The following EPM2A variants were observed in gnomAD, a reference collection of about 807,000 sequenced individuals.
EPM2A encodes the protein EPM2A glucan phosphatase, laforin.
EPM2A carries 21 observed loss-of-function variants against 26.5 expected under a neutral mutation model. That is an observed-to-expected ratio of 0.79 (90% CI 0.56 to 1.14). The LOEUF (loss-of-function observed/expected upper bound fraction) is 1.14. Ranked by LOEUF, EPM2A falls within the 50% of genes most tolerant of loss-of-function variation. The probability of loss-of-function intolerance (pLI) is 0.00; values close to 1 mark genes in which losing one functional copy is unlikely to be tolerated. For synonymous variants in EPM2A, 217 were observed against 177.6 expected, an observed-to-expected ratio of 1.22 and a Z score of -1.76; for missense variants, 458 against 440.8, an observed-to-expected ratio of 1.04 and a Z score of -0.35.
intron 2 of EPM2A, chr6:145,640,084 T>A (rs1283822734): frequency 6.6e-6 from 1 of 152,198 alleles, no homozygotes; most frequent in Non-Finnish European, 1.5e-5. Flanking sequence ...AATACTACAG[T>A]ATTTGTTTCA....
At chr6:145,419,003 C>T (rs1355585573) in intron 4 of EPM2A, among the ~76,000 whole-genome samples, 5 of 152,148 alleles carry the variant, frequency 3.3e-5, no homozygotes, top group Non-Finnish European at 5.9e-5. Context: ...ATTTGACTGG[C>T]GAGTCAGAGG....
intron 2 of EPM2A, among the ~76,000 whole-genome samples, chr6:145,520,167 C>A (rs1780184508): frequency 6.6e-6 from 1 of 152,140 alleles, no homozygotes; most frequent in Non-Finnish European, 1.5e-5. Flanking sequence ...AGAACTTCTC[C>A]AATTATGTTT....
chr6:145,635,759 A>G lies in EPM2A; in HGVS notation c.477-273T>C, dbSNP rs183544567. ...GCAATATATTAAAATAAGTCTACCA[A>G]GTTGTACTTATTCCATGAATGCATA... On this transcript the variant is annotated intron_variant, in intron 2 of 3. Transcript: ENST00000367519. The G allele has an allele frequency of 1.5e-5, 6 of 413,432 alleles. No individual in the cohort carries two copies. In the Admixed American group the frequency reaches 1.5e-4, roughly 10 times the overall value. 25.6% of individuals were successfully genotyped at this position (413,432 alleles called of 1,614,324 possible). A position where few individuals can be genotyped will look rare whatever the true frequency, so the allele number is the denominator to read the frequency against.
chr6:145,719,256 A>C (rs2128637287), intron 1 of EPM2A, among the ~76,000 whole-genome samples: 1 of 149,676 alleles, frequency 6.7e-6, no homozygotes, highest in East Asian at 1.9e-4. Flanking sequence ...GATTAAGAAA[A>C]TGTGGCACAT....
chr6:145,410,248 G>T (rs1778626158), intron 4 of EPM2A, among the ~76,000 whole-genome samples: 1 of 152,160 alleles, frequency 6.6e-6, no homozygotes, highest in Non-Finnish European at 1.5e-5. Context: ...GGTAAGATTT[G>T]CAAATGTGGG....
Position 145,606,302 on chromosome 6 carries a change from T to C in EPM2A, c.340+28943A>G, listed in dbSNP as rs17724951. 4.6e-3 allele frequency among the ~76,000 whole-genome samples: 703 copies of C among 152,158 alleles called. 25 individuals are homozygous for C. The East Asian group carries it at 0.084, about 18-fold the overall frequency. On this transcript the variant is annotated intron_variant, in intron 2 of 3. Coordinates refer to the EPM2A transcript ENST00000450221. Reference sequence around the variant, plus strand: ...TTTATTTTTCTAGACATCTTCATTCTTTTTCCCAACTAGTATTTCTTAACA... The same window carrying C: ...TTTATTTTTCTAGACATCTTCATTCCTTTTCCCAACTAGTATTTCTTAACA...
intron 2 of EPM2A, among the ~76,000 whole-genome samples, chr6:145,543,917 C>A (rs1347338922): frequency 2.6e-5 from 4 of 152,156 alleles, no homozygotes; most frequent in African/African-American, 9.7e-5. Context: ...CGTGGGGAGC[C>A]AAAATGGGAT....
At chr6:145,451,624 A>G (rs931189013) in intron 4 of EPM2A, among the ~76,000 whole-genome samples, 2 of 152,242 alleles carry the variant, frequency 1.3e-5, no homozygotes, top group Non-Finnish European at 2.9e-5. Flanking sequence ...ATAGTCTATA[A>G]AGCCGGACAT....
chr6:145,716,225 T>C (rs559881190), intron 1 of EPM2A, among the ~76,000 whole-genome samples: 1 of 152,188 alleles, frequency 6.6e-6, no homozygotes, highest in Non-Finnish European at 1.5e-5. Flanking sequence ...GCAGAATCCA[T>C]AGGGACAGAA....
intron 2 of EPM2A, chr6:145,638,746 G>A (rs749454941): frequency 7.5e-6 from 1 of 134,106 alleles, no homozygotes; most frequent in Non-Finnish European, 1.5e-5. Context: ...GACAAAGACT[G>A]GGCCTGTTGG....
chr6:145,421,996 C>G (rs1778790826), intron 4 of EPM2A, among the ~76,000 whole-genome samples: 1 of 146,540 alleles, frequency 6.8e-6, no homozygotes, highest in Non-Finnish European at 1.5e-5. Flanking sequence ...TTTAAATCCA[C>G]AGAAGTATAG....
intron 2 of EPM2A, among the ~76,000 whole-genome samples, chr6:145,561,379 C>T (rs897229924): frequency 4.6e-5 from 7 of 152,086 alleles, no homozygotes; most frequent in African/African-American, 1.4e-4. Flanking sequence ...CAGAAGGCAT[C>T]CCCATTTCTA....
intron 4 of EPM2A, among the ~76,000 whole-genome samples, chr6:145,471,384 C>A (rs1779470715): frequency 6.6e-6 from 1 of 152,114 alleles, no homozygotes; most frequent in Non-Finnish European, 1.5e-5. Flanking sequence ...CCCATCCCTG[C>A]ATCCCTCACA....
At chr6:145,603,729 G>A (rs867192873) in intron 2 of EPM2A, among the ~76,000 whole-genome samples, 6 of 152,082 alleles carry the variant, frequency 3.9e-5, no homozygotes, top group Admixed American at 2.6e-4. Flanking sequence ...CTCTTAGAAG[G>A]CCAATATTAT....
chr6:145,538,665 A>G (rs1484076863), intron 2 of EPM2A, among the ~76,000 whole-genome samples: 1 of 152,248 alleles, frequency 6.6e-6, no homozygotes, highest in Non-Finnish European at 1.5e-5. Flanking sequence ...ATGTGTAAGT[A>G]TTGTAACAAG....
chr6:145,705,563 C>T (rs1288256858), intron 1 of EPM2A: 1 of 456,088 alleles, frequency 2.2e-6, no homozygotes, highest in Non-Finnish European at 4.4e-6. Flanking sequence ...TCAAAACAAA[C>T]AAACAAAGAA....
intron 4 of EPM2A, among the ~76,000 whole-genome samples, chr6:145,387,376 C>A (rs1234529747): frequency 6.6e-6 from 1 of 152,172 alleles, no homozygotes; most frequent in Non-Finnish European, 1.5e-5. Flanking sequence ...GCAGCCCACA[C>A]ATAGGGACCT....
At chr6:145,441,097 G>C (rs1339541818) in intron 4 of EPM2A, among the ~76,000 whole-genome samples, 1 of 152,206 alleles carries the variant, frequency 6.6e-6, no homozygotes, top group Non-Finnish European at 1.5e-5. Flanking sequence ...TGGGCATCCA[G>C]GCATTTCCAT....
chr6:145,473,303 C>T (rs1381475681), intron 4 of EPM2A, among the ~76,000 whole-genome samples: 1 of 149,878 alleles, frequency 6.7e-6, no homozygotes, highest in Non-Finnish European at 1.5e-5. Context: ...CAGAATCAAT[C>T]AAGCAGAAGA....
Sources: allele counts gnomAD v4.1 joint callset (sites outside exome capture counted in the v4.1 genomes callset), GRCh38; gene constraint gnomAD v4.1.1; transcripts MANE v1.5; gene names NCBI Gene and HGNC (gene_info 2026-07-23, HGNC 2026-07-21).